Variants in TRIP12 observed in about 807,000 individuals in gnomAD.
TRIP12 encodes the protein thyroid hormone receptor interactor 12.
TRIP12 carries 25 observed loss-of-function variants against 244.2 expected under a neutral mutation model. The observed-to-expected ratio is 0.10, with a 90% CI of 0.07 to 0.14. The LOEUF (loss-of-function observed/expected upper bound fraction) is 0.14, where lower values mean the gene tolerates loss of function less well. TRIP12 is among the 10% of genes least tolerant of loss of function. TRIP12 has a pLI of 1.00. For missense variants in TRIP12, 1,677 were observed against 2,486.4 expected (o/e 0.67, Z 6.92); for synonymous variants, 905 against 873.1 (o/e 1.04, Z -0.64).
intron 1 of TRIP12, among the ~76,000 whole-genome samples, chr2:229,915,267 T>C (rs1183919697): frequency 6.6e-6 from 1 of 152,050 alleles, no homozygotes; most frequent in Non-Finnish European, 1.5e-5. Context: ...AAAAAACTTA[T>C]TTAGGTCCTC....
chr2:229,788,312 T>G (rs1222777247), intron 32 of TRIP12, among the ~76,000 whole-genome samples: 2 of 152,192 alleles, frequency 1.3e-5, no homozygotes, highest in Non-Finnish European at 2.9e-5. Context: ...ACCACCTTCA[T>G]GAGGCACTTG....
intron 2 of TRIP12, among the ~76,000 whole-genome samples, chr2:229,861,536 AG>A (rs1486299274): frequency 6.6e-6 from 1 of 152,208 alleles, no homozygotes; most frequent in Non-Finnish European, 1.5e-5. Flanking sequence ...GTTAAAAAAA[AG>A]TTTAAGGCTT....
rs957227844 is a variant in TRIP12, at chr2:229,888,581, C to A, written c.-49-8453G>T. Among the ~76,000 whole-genome samples the A allele has an allele frequency of 2.0e-5, 3 of 151,938 alleles. No homozygotes were observed. In the South Asian group the frequency reaches 6.2e-4, roughly 32 times the overall value. ...CAGAGTTCAAAAAACTCAAAAATGT[C>A]CATCAGATTTAGAAAATGGCGAGAG... On this transcript the variant is annotated intron_variant, in intron 1 of 41. Coordinates refer to ENST00000675903, the MANE Select transcript of TRIP12 (RefSeq NM_001348323.3).
At chr2:229,795,622 C>A (rs1421818606) in intron 25 of TRIP12, among the ~76,000 whole-genome samples, 2 of 152,082 alleles carry the variant, frequency 1.3e-5, no homozygotes, top group Non-Finnish European at 2.9e-5. Flanking sequence ...TATTTACAGT[C>A]TTTATTTATC....
At chr2:229,803,076 G>A (rs2044847244) in intron 20 of TRIP12, among the ~76,000 whole-genome samples, 1 of 152,212 alleles carries the variant, frequency 6.6e-6, no homozygotes, top group Admixed American at 6.5e-5. Context: ...TTATCAGCTA[G>A]TATAAACTAT....
rs2032162844 is a variant in TRIP12, at chr2:229,767,492, G to C, written c.*62C>G. 1.3e-6 allele frequency: 2 copies of C among 1,516,056 alleles called. No homozygotes were observed. The highest frequency in any genetic ancestry group is 2.3e-5 in the East Asian group (1 of 43,684). 93.9% of individuals were successfully genotyped at this position (1,516,056 alleles called of 1,614,324 possible). On this transcript the variant is annotated 3_prime_UTR_variant, in exon 42 of 42. Coordinates refer to ENST00000675903, the MANE Select transcript of TRIP12 (RefSeq NM_001348323.3). ...TTCCTTGACTCAGGTGATAACATTA[G>C]AAAAGAAATCATGATTTGTTTCTTT...
At position 229,843,717 on chromosome 2, in the gene TRIP12, C is replaced by CA. The variant is rs543505562; in HGVS notation, c.1028-2791dup. ...AACACTGTAAGACCCTGTGTCTCCA[C>CA]AAAAAATAAATAAATAAAAATAAAT... is the stretch of plus-strand genomic sequence containing the variant. On this transcript the variant is annotated intron_variant, in intron 4 of 41. Transcript: ENST00000675903. 7.6e-4 allele frequency among the ~76,000 whole-genome samples: 115 copies of CA among 152,162 alleles called. 1 individual carries two copies. The highest frequency in any genetic ancestry group is 2.6e-3 in the African/African-American group (108 of 41,528).
chr2:229,846,014 C>CA (rs34840494), intron 4 of TRIP12, among the ~76,000 whole-genome samples: 5,634 of 117,476 alleles, frequency 0.048, 324 homozygotes, highest in African/African-American at 0.15. Context: ...CTCTTTTTTT[C>CA]AAAAAAAAAA....
chr2:229,835,669 G>T (rs1400659484), intron 6 of TRIP12, among the ~76,000 whole-genome samples: 1 of 152,216 alleles, frequency 6.6e-6, no homozygotes, highest in African/African-American at 2.4e-5. Flanking sequence ...GGACTGCAAT[G>T]TAGTGTACAC....
chr2:229,860,691 A>T (rs1407536417), intron 2 of TRIP12, among the ~76,000 whole-genome samples, 160 bp from the exon 3 acceptor site: 1 of 152,172 alleles, frequency 6.6e-6, no homozygotes, highest in Admixed American at 6.5e-5. Context: ...TTATTCTACT[A>T]AATAATCTGG....
chr2:229,779,979 C>T (rs74622466), intron 34 of TRIP12, among the ~76,000 whole-genome samples: 1,785 of 152,294 alleles, frequency 0.012, 19 homozygotes, highest in Non-Finnish European at 0.019. Context: ...CTAACTGTAA[C>T]CCTGTCAAGA....
Position 229,798,868 on chromosome 2 carries a change from A to C in TRIP12, c.3482+7T>G. ...ATAGAAGAAACATAAAACTCCCCCC[A>C]CTTCACCTATTATTGGAGATGGTAT... On this transcript the variant is annotated splice_region_variant and intron_variant, in intron 23 of 41. Coordinates refer to ENST00000675903, the MANE Select transcript of TRIP12 (RefSeq NM_001348323.3). 1 of 1,611,344 alleles carries C rather than the reference A, an allele frequency of 6.2e-7. No homozygotes were observed.
chr2:229,797,210 A>C (rs897438180), intron 24 of TRIP12, among the ~76,000 whole-genome samples: 9 of 152,158 alleles, frequency 5.9e-5, no homozygotes, highest in African/African-American at 2.2e-4. Context: ...AAACTGCTCA[A>C]GGTACATCAA....
chr2:229,799,515 G>C, intron 21 of TRIP12, 132 bp from the exon 22 acceptor site: 2 of 743,530 alleles, frequency 2.7e-6, no homozygotes, highest in Non-Finnish European at 2.3e-6. Context: ...GGTGGCTCAC[G>C]CCTGTAATCC....
In TRIP12 at chr2:229,872,115, A is replaced by G. The variant is rs1314585070; in HGVS notation, c.98+7867T>C. On this transcript the variant is annotated intron_variant, in intron 2 of 41. Transcript: ENST00000675903. ...AATGACAGATATTGTAAAAAAAAAA[A>G]AAAAAAAAAAAAAAAAAGAAGCCTA... Among the ~76,000 whole-genome samples the G allele has an allele frequency of 5.6e-3, 732 of 131,528 alleles. 7 individuals carry two copies. Among genetic ancestry groups the G allele is most frequent in the South Asian group, 0.016 (74 of 4,650 alleles). The allele number at this position is 131,528 out of a possible 152,430, so 86.3% of individuals were successfully genotyped here. A position where few individuals can be genotyped will look rare whatever the true frequency, so the allele number is the denominator to read the frequency against.
chr2:229,817,859 T>C (rs2048892984), intron 9 of TRIP12, among the ~76,000 whole-genome samples: 1 of 152,102 alleles, frequency 6.6e-6, no homozygotes, highest in South Asian at 2.1e-4. Flanking sequence ...TCTCCCAAAG[T>C]ATTGGGATTA....
chr2:229,811,927 G>A (rs1022833522), intron 13 of TRIP12, among the ~76,000 whole-genome samples: 2 of 152,110 alleles, frequency 1.3e-5, no homozygotes, highest in African/African-American at 4.8e-5. Flanking sequence ...AACCTTCACT[G>A]ACACTACATA....
chr2:229,851,583 A>C (rs1490903443), intron 4 of TRIP12, among the ~76,000 whole-genome samples: 1 of 151,852 alleles, frequency 6.6e-6, no homozygotes, highest in Non-Finnish European at 1.5e-5. Context: ...TTGTTCTTTC[A>C]CTCTTTGCAA....
intron 2 of TRIP12, among the ~76,000 whole-genome samples, chr2:229,866,320 G>A (rs1471117460): frequency 1.3e-5 from 2 of 152,124 alleles, no homozygotes; most frequent in Non-Finnish European, 2.9e-5. Context: ...GCTGCTTATG[G>A]CATTTAAGTC....
Sources: gnomAD v4.1 joint callset for allele counts (sites outside exome capture counted in the v4.1 genomes callset) on GRCh38, gnomAD v4.1.1 for gene constraint, MANE v1.5 for transcripts, NCBI Gene and HGNC (gene_info 2026-07-23, HGNC 2026-07-21) for gene names.